Variants in L3MBTL4 observed in about 807,000 individuals in gnomAD.
The protein encoded by L3MBTL4 is L3MBTL histone methyl-lysine binding protein 4, also known as lethal(3)malignant brain tumor-like protein 4.
L3MBTL4 carries 70 observed loss-of-function variants against 84.5 expected under a neutral mutation model. That is an observed-to-expected ratio of 0.83 (90% CI 0.68 to 1.01). The LOEUF is 1.01. L3MBTL4 is among the 50% of genes least tolerant of loss of function. The pLI is 0.00. For missense variants in L3MBTL4, 715 were observed against 754.8 expected, an observed-to-expected ratio of 0.95 and a Z score of 0.62; for synonymous variants, 274 against 259.8, an observed-to-expected ratio of 1.05 and a Z score of -0.52.
chr18:6,137,349 T>C (rs1318720967), intron 14 of L3MBTL4, among the ~76,000 whole-genome samples: 2 of 152,242 alleles, frequency 1.3e-5, no homozygotes, highest in East Asian at 3.8e-4. Flanking sequence ...TTATCACTAT[T>C]ACAGTGGCAT....
At chr18:6,149,436 T>G (rs2042796008) in intron 13 of L3MBTL4, among the ~76,000 whole-genome samples, 1 of 151,930 alleles carries the variant, frequency 6.6e-6, no homozygotes, top group South Asian at 2.1e-4. Flanking sequence ...ATTTTCTTAA[T>G]CCAGTCTATC....
intron 16 of L3MBTL4, among the ~76,000 whole-genome samples, chr18:6,036,929 G>C (rs890477559): frequency 3.3e-5 from 5 of 152,120 alleles, no homozygotes; most frequent in African/African-American, 1.2e-4. Context: ...GTTGCTTTTG[G>C]ATGTTTTAGT....
chr18:6,070,589 G>A (rs893235253), intron 16 of L3MBTL4, among the ~76,000 whole-genome samples: 1 of 151,514 alleles, frequency 6.6e-6, no homozygotes, highest in Non-Finnish European at 1.5e-5. Context: ...GGTCAAAGTG[G>A]GCAGATTGTT....
At chr18:6,381,696 G>T (rs912615751) in intron 1 of L3MBTL4, among the ~76,000 whole-genome samples, 3 of 152,234 alleles carry the variant, frequency 2.0e-5, no homozygotes, top group Non-Finnish European at 2.9e-5. Context: ...TCTGCAGAGA[G>T]ATCTGCTGTT....
intron 1 of L3MBTL4, among the ~76,000 whole-genome samples, chr18:6,366,598 T>A (rs992682142): frequency 4.6e-5 from 7 of 152,216 alleles, no homozygotes; most frequent in Admixed American, 4.6e-4. Context: ...ATTCATGAAT[T>A]CTACATATCT....
chr18:6,406,587 G>A, intron 1 of L3MBTL4, among the ~76,000 whole-genome samples: 1 of 152,184 alleles, frequency 6.6e-6, no homozygotes, highest in East Asian at 1.9e-4. Context: ...CCAGAGGACA[G>A]GAAGAAGTGT....
chr18:6,001,173 C>A (rs999410707), intron 16 of L3MBTL4, among the ~76,000 whole-genome samples: 3 of 152,218 alleles, frequency 2.0e-5, no homozygotes, highest in Non-Finnish European at 4.4e-5. Context: ...GTCCTCATAA[C>A]TGACTATGAA....
intron 4 of L3MBTL4, among the ~76,000 whole-genome samples, chr18:6,267,568 T>C (rs1331746213): frequency 6.6e-6 from 1 of 152,248 alleles, no homozygotes; most frequent in East Asian, 1.9e-4. Context: ...ACAAAAAACA[T>C]TACAGCAGTG....
intron 14 of L3MBTL4, among the ~76,000 whole-genome samples, chr18:6,128,376 G>T (rs1028935929): frequency 2.0e-5 from 3 of 152,076 alleles, no homozygotes; most frequent in African/African-American, 7.2e-5. Context: ...TAAAAGAGGT[G>T]AGTCTCCAGA....
At chr18:6,138,861 A>T (rs2060111947) in intron 13 of L3MBTL4, among the ~76,000 whole-genome samples, 1 of 152,194 alleles carries the variant, frequency 6.6e-6, no homozygotes, top group Non-Finnish European at 1.5e-5. Flanking sequence ...AGATATGAGA[A>T]CATTCACTTA....
chr18:6,382,262 G>T (rs1289931271), intron 1 of L3MBTL4, among the ~76,000 whole-genome samples: 3 of 152,080 alleles, frequency 2.0e-5, no homozygotes, highest in African/African-American at 7.2e-5. Flanking sequence ...TAGCTTCCTT[G>T]CATTGGGTTA....
chr18:6,071,328 T>C (rs1269425532), intron 16 of L3MBTL4, among the ~76,000 whole-genome samples: 4 of 150,630 alleles, frequency 2.7e-5, no homozygotes, highest in African/African-American at 9.8e-5. Flanking sequence ...GAGGTGGAGG[T>C]TGCAGGAAGC....
intron 1 of L3MBTL4, among the ~76,000 whole-genome samples, chr18:6,361,032 A>AT (rs2053670504): frequency 6.6e-6 from 1 of 151,648 alleles, no homozygotes; most frequent in South Asian, 2.1e-4. Flanking sequence ...AAAAAAAAAA[A>AT]AAAAAAGATA....
chr18:6,111,384 A>G (rs1436705956), intron 14 of L3MBTL4, among the ~76,000 whole-genome samples: 1 of 152,162 alleles, frequency 6.6e-6, no homozygotes, highest in Admixed American at 6.5e-5. Flanking sequence ...AATAAAAGTG[A>G]CTTAGGATTT....
chr18:5,976,669 G>A (rs1342982196), intron 16 of L3MBTL4, among the ~76,000 whole-genome samples: 1 of 152,168 alleles, frequency 6.6e-6, no homozygotes, highest in Admixed American at 6.5e-5. Flanking sequence ...CATTTGCCCT[G>A]AGACTCTGAG....
chr18:6,058,878 C>A (rs2057112712), intron 16 of L3MBTL4, among the ~76,000 whole-genome samples: 2 of 152,116 alleles, frequency 1.3e-5, no homozygotes, highest in Non-Finnish European at 2.9e-5. Flanking sequence ...GAATGGTGAG[C>A]CTGGAATCCA....
At chr18:6,223,553 C>G (rs1018339138) in intron 10 of L3MBTL4, among the ~76,000 whole-genome samples, 1 of 152,136 alleles carries the variant, frequency 6.6e-6, no homozygotes, top group African/African-American at 2.4e-5. Flanking sequence ...CTTATGAACA[C>G]ATGGATATGA....
intron 16 of L3MBTL4, among the ~76,000 whole-genome samples, chr18:5,981,976 G>GTGTA (rs1228490658): frequency 8.1e-6 from 1 of 123,246 alleles, no homozygotes; most frequent in Non-Finnish European, 1.5e-5. Flanking sequence ...TCAATATTCT[G>GTGTA]TGTGTGTGTG....
chr18:6,152,491 C>A (rs1715693726), intron 13 of L3MBTL4, among the ~76,000 whole-genome samples: 1 of 152,128 alleles, frequency 6.6e-6, no homozygotes, highest in African/African-American at 2.4e-5. Context: ...ATTAGTGATG[C>A]TGAGCACCTT....
Sources: allele counts gnomAD v4.1 joint callset (sites outside exome capture counted in the v4.1 genomes callset), GRCh38; gene constraint gnomAD v4.1.1; transcripts MANE v1.5; gene names NCBI Gene and HGNC (gene_info 2026-07-23, HGNC 2026-07-21).